Variants in RNF13 observed in about 807,000 individuals in gnomAD.
The protein encoded by RNF13 is ring finger protein 13.
RNF13 carries 19 observed loss-of-function variants against 37.7 expected under a neutral mutation model. The ratio of observed to expected loss-of-function variants is 0.50; its 90% CI spans 0.35 to 0.74. The LOEUF (loss-of-function observed/expected upper bound fraction) is 0.74. Among genes scored for constraint, RNF13 ranks in the 30% least tolerant of loss-of-function variants. The pLI, the probability that RNF13 is intolerant of heterozygous loss-of-function variation, is 0.01. For missense variants in RNF13, 375 were observed against 453.0 expected (o/e 0.83, Z 1.56); for synonymous variants, 144 against 157.8 (o/e 0.91, Z 0.65).
chr3:149,851,799 T>C (rs1243384423), intron 2 of RNF13: 2 of 152,332 alleles, frequency 1.3e-5, no homozygotes, highest in East Asian at 3.9e-4. Context: ...GTATAGCAAA[T>C]TGAACATTAT....
At chr3:149,847,170 A>G (rs551393299) in intron 2 of RNF13, among the ~76,000 whole-genome samples, 1 of 152,324 alleles carries the variant, frequency 6.6e-6, no homozygotes, top group African/African-American at 2.4e-5. Context: ...GTAGAATTTG[A>G]CTTATGAAAC....
chr3:149,857,217 C>T (rs1012409724), intron 3 of RNF13, among the ~76,000 whole-genome samples: 2 of 152,104 alleles, frequency 1.3e-5, no homozygotes, highest in African/African-American at 4.8e-5. Flanking sequence ...ATTCTGTTTA[C>T]ATTCTATTTA....
At chr3:149,866,171 A>G (rs1370508215) in intron 3 of RNF13, among the ~76,000 whole-genome samples, 1 of 152,222 alleles carries the variant, frequency 6.6e-6, no homozygotes, top group Admixed American at 6.5e-5. Context: ...GATCTCACAC[A>G]AGAAAGAATT....
chr3:149,918,882 A>G lies in RNF13; in HGVS notation c.607-2252A>G, dbSNP rs1339201535. Reference sequence around the variant, plus strand: ...TGTCCTAATGTATCATTCAGTTTTAATCTTGTGTCTTGTAAATAGCATATG... The same window carrying G: ...TGTCCTAATGTATCATTCAGTTTTAGTCTTGTGTCTTGTAAATAGCATATG... On this transcript the variant is annotated intron_variant, in intron 7 of 9. Transcript: ENST00000392894. Among the ~76,000 whole-genome samples, 3 of 151,840 alleles carry G rather than the reference A, an allele frequency of 2.0e-5. No homozygotes were observed. In the East Asian group the frequency reaches 5.8e-4, roughly 29 times the overall value.
At position 149,902,065 on chromosome 3, in the gene RNF13, T is replaced by A. The variant is rs377225073; in HGVS notation, c.410-7T>A. ...TTTAAGAATAATTTCATTATTCTTT[T>A]ATACAGTTGAGGTACTAAAGAAAAT... On this transcript the variant is annotated splice_region_variant and splice_polypyrimidine_tract_variant and intron_variant, in intron 5 of 9. Coordinates refer to ENST00000392894, the MANE Select transcript of RNF13 (RefSeq NM_183381.3). The A allele has an allele frequency of 2.0e-5, 26 of 1,271,662 alleles. No homozygotes were observed. In the African/African-American group the frequency reaches 4.1e-4, roughly 20 times the overall value. The allele number at this position is 1,271,662 out of a possible 1,614,324, so 78.8% of individuals were successfully genotyped here. A position where few individuals can be genotyped will look rare whatever the true frequency, so the allele number is the denominator to read the frequency against.
intron 1 of RNF13, among the ~76,000 whole-genome samples, chr3:149,841,130 C>T (rs1722138414): frequency 6.6e-6 from 1 of 152,154 alleles, no homozygotes; most frequent in Non-Finnish European, 1.5e-5. Context: ...ATACTTTTCA[C>T]CAATCAGGAG....
intron 1 of RNF13, among the ~76,000 whole-genome samples, chr3:149,819,459 A>G (rs1719814911): frequency 6.6e-6 from 1 of 152,212 alleles, no homozygotes; most frequent in African/African-American, 2.4e-5. Context: ...ACTTTAATTT[A>G]TACAACAGTC....
intron 8 of RNF13, among the ~76,000 whole-genome samples, chr3:149,958,208 T>G (rs988694583): frequency 5.3e-5 from 8 of 152,138 alleles, no homozygotes; most frequent in Non-Finnish European, 1.0e-4. Context: ...CAAAAATATA[T>G]TATCTATAGG....
intron 3 of RNF13, among the ~76,000 whole-genome samples, chr3:149,860,722 A>G (rs559737512): frequency 1.3e-5 from 2 of 152,328 alleles, no homozygotes; most frequent in South Asian, 4.1e-4. Flanking sequence ...TTTTACAGCT[A>G]AAATCACAAA....
chr3:149,818,605 G>A (rs1289683590), intron 1 of RNF13, among the ~76,000 whole-genome samples: 1 of 152,140 alleles, frequency 6.6e-6, no homozygotes, highest in African/African-American at 2.4e-5. Flanking sequence ...ATACCCCCTA[G>A]ATTGAGGGTG....
At chr3:149,826,711 C>T (rs1720544178) in intron 1 of RNF13, among the ~76,000 whole-genome samples, 1 of 152,180 alleles carries the variant, frequency 6.6e-6, no homozygotes, top group Non-Finnish European at 1.5e-5. Context: ...CAGAGTCCCA[C>T]CATCCAGAGC....
At chr3:149,944,137 G>A (rs947211451) in intron 8 of RNF13, among the ~76,000 whole-genome samples, 4 of 152,174 alleles carry the variant, frequency 2.6e-5, no homozygotes, top group African/African-American at 2.4e-5. Context: ...TCCCTACAAA[G>A]GACATGAACT....
intron 2 of RNF13, among the ~76,000 whole-genome samples, chr3:149,848,663 A>G (rs1054866637): frequency 2.0e-5 from 3 of 152,036 alleles, no homozygotes; most frequent in Non-Finnish European, 4.4e-5. Context: ...ATTAAGTTTT[A>G]GTTATGCTAT....
At chr3:149,922,645 G>A (rs1718263022) in intron 8 of RNF13, among the ~76,000 whole-genome samples, 3 of 152,068 alleles carry the variant, frequency 2.0e-5, no homozygotes, top group South Asian at 4.1e-4. Context: ...CACATAGGTA[G>A]GTAGCTGTTA....
At chr3:149,941,469 C>T (rs1720262055) in intron 8 of RNF13, among the ~76,000 whole-genome samples, 1 of 150,720 alleles carries the variant, frequency 6.6e-6, no homozygotes, top group Non-Finnish European at 1.5e-5. Flanking sequence ...TATTTATTGG[C>T]TATTCGTATA....
chr3:149,935,331 C>T (rs1035598610), intron 8 of RNF13, among the ~76,000 whole-genome samples: 1 of 152,034 alleles, frequency 6.6e-6, no homozygotes, highest in African/African-American at 2.4e-5. Flanking sequence ...TTCATTTAAT[C>T]ACTCTATGTC....
intron 1 of RNF13, among the ~76,000 whole-genome samples, chr3:149,820,088 C>A (rs560811575): frequency 2.5e-3 from 385 of 152,112 alleles, no homozygotes; most frequent in Middle Eastern, 6.8e-3. Flanking sequence ...GGATGTTTTG[C>A]GCTTTGATGT....
At chr3:149,937,784 C>T (rs1275029074) in intron 8 of RNF13, among the ~76,000 whole-genome samples, 1 of 152,034 alleles carries the variant, frequency 6.6e-6, no homozygotes, top group Non-Finnish European at 1.5e-5. Context: ...CCATTGTGCT[C>T]TGCATGGTAA....
intron 4 of RNF13, among the ~76,000 whole-genome samples, chr3:149,876,695 T>G (rs966913024): frequency 6.6e-6 from 1 of 152,000 alleles, no homozygotes; most frequent in African/African-American, 2.4e-5. Flanking sequence ...CCAATCTGAC[T>G]TTATTTTAAA....
Sources: allele counts gnomAD v4.1 joint callset (sites outside exome capture counted in the v4.1 genomes callset), GRCh38; gene constraint gnomAD v4.1.1; transcripts MANE v1.5; gene names NCBI Gene and HGNC (gene_info 2026-07-23, HGNC 2026-07-21).